Variants in ANK2 observed in about 807,000 individuals in gnomAD.
ANK2 encodes the protein ankyrin 2, also known as ankyrin-2.
ANK2 carries 83 observed loss-of-function variants against 360.5 expected under a neutral mutation model. The ratio of observed to expected loss-of-function variants is 0.23; its 90% CI spans 0.19 to 0.28. The LOEUF is 0.28. Among genes scored for constraint, ANK2 ranks in the 10% least tolerant of loss-of-function variants. The pLI, the probability that ANK2 is intolerant of heterozygous loss-of-function variation, is 1.00. For synonymous variants in ANK2, 1,740 were observed against 1,759.5 expected (o/e 0.99, Z 0.28); for missense variants, 4,201 against 4,795.7 (o/e 0.88, Z 3.66).
intron 1 of ANK2, among the ~76,000 whole-genome samples, chr4:113,100,416 A>C (rs1250603598): frequency 6.6e-6 from 1 of 152,126 alleles, no homozygotes. Flanking sequence ...AAATTAAAAC[A>C]AGATGTTGTT....
chr4:113,207,776 T>G (rs2098971348), intron 4 of ANK2, among the ~76,000 whole-genome samples: 1 of 150,968 alleles, frequency 6.6e-6, no homozygotes, highest in African/African-American at 2.4e-5. Flanking sequence ...ATTCACGCAC[T>G]CACTCACTCA....
At chr4:112,776,738 A>G in the ANK2 span, among the ~76,000 whole-genome samples, 1 of 152,238 alleles carries the variant, frequency 6.6e-6, no homozygotes, top group African/African-American at 2.4e-5. Context: ...TATGTACATT[A>G]TGCACATGTA....
intron 1 of ANK2, among the ~76,000 whole-genome samples, chr4:113,167,535 G>A (rs2097789683): frequency 6.6e-6 from 1 of 152,046 alleles, no homozygotes; most frequent in African/African-American, 2.4e-5. Context: ...CTGATCTCAA[G>A]CAATCCACCC....
At chr4:113,275,727 A>C (rs116536449) in intron 15 of ANK2, among the ~76,000 whole-genome samples, 1 of 152,214 alleles carries the variant, frequency 6.6e-6, no homozygotes, top group African/African-American at 2.4e-5. Flanking sequence ...AAAAAAAAAA[A>C]AAACTAAGCA....
chr4:113,149,594 G>C (rs1026909032), intron 1 of ANK2, among the ~76,000 whole-genome samples: 1 of 151,894 alleles, frequency 6.6e-6, no homozygotes, highest in African/African-American at 2.4e-5. Context: ...AAAGATAAAG[G>C]CCTGGCATGG....
intron 4 of ANK2, among the ~76,000 whole-genome samples, chr4:113,225,802 A>G (rs1176308407): frequency 6.6e-6 from 1 of 152,200 alleles, no homozygotes. Context: ...CAATTTGTCA[A>G]GATAATCCAA....
chr4:112,739,584 A>G, the ANK2 span, among the ~76,000 whole-genome samples: 5 of 152,200 alleles, frequency 3.3e-5, no homozygotes, highest in African/African-American at 1.2e-4. Flanking sequence ...ACTACACTGC[A>G]GCCTGGGTGA....
chr4:113,277,180 T>C (rs2060534774), intron 15 of ANK2, among the ~76,000 whole-genome samples: 1 of 152,248 alleles, frequency 6.6e-6, no homozygotes, highest in Admixed American at 6.5e-5. Context: ...AAGTCTGGTG[T>C]TAATCAGCCC....
chr4:112,727,307 G>T, the ANK2 span, among the ~76,000 whole-genome samples: 1 of 151,924 alleles, frequency 6.6e-6, no homozygotes, highest in Non-Finnish European at 1.5e-5. Flanking sequence ...TAATATCACA[G>T]ATTATGGTTG....
At chr4:113,335,771 C>T (rs760863614) in intron 29 of ANK2, 75 bp from the exon 30 acceptor site, 53 of 1,438,182 alleles carry the variant, frequency 3.7e-5, no homozygotes, top group East Asian at 9.1e-5. Context: ...ATTAACCGAG[C>T]GAATGAGTTG....
chr4:112,957,017 T>G (rs1228132279), intron 2 of ANK2, among the ~76,000 whole-genome samples: 5 of 147,166 alleles, frequency 3.4e-5, no homozygotes, highest in African/African-American at 5.0e-5. Context: ...GTTTTTTTTT[T>G]TTTTTTTTTT....
intron 34 of ANK2, among the ~76,000 whole-genome samples, 163 bp from the exon 35 acceptor site, chr4:113,345,737 A>T (rs560379656): frequency 7.8e-4 from 119 of 152,336 alleles, no homozygotes; most frequent in Non-Finnish European, 1.2e-3. Flanking sequence ...AATGATTTTT[A>T]AAAAGGCTTT....
chr4:112,918,862 T>C (rs1161874820), intron 2 of ANK2, among the ~76,000 whole-genome samples: 1 of 152,224 alleles, frequency 6.6e-6, no homozygotes, highest in Non-Finnish European at 1.5e-5. Context: ...TTTATTTGGC[T>C]ACTTCTTGAA....
At chr4:113,137,598 A>G (rs1170982606) in intron 1 of ANK2, among the ~76,000 whole-genome samples, 1 of 152,200 alleles carries the variant, frequency 6.6e-6, no homozygotes, top group Non-Finnish European at 1.5e-5. Flanking sequence ...TTTTAGAGAT[A>G]TATCTGCATT....
upstream of ANK2, among the ~76,000 whole-genome samples, chr4:113,045,041 ATGTT>A (rs2063918500): frequency 6.6e-6 from 1 of 152,192 alleles, no homozygotes; most frequent in Non-Finnish European, 1.5e-5. Context: ...CTGTGAAAAA[ATGTT>A]TGTAACAACA....
rs1400628858 is a variant in ANK2, at chr4:113,359,011, G to A, written c.10393G>A (p.Glu3465Lys). 3 of 1,614,102 alleles carry A rather than the reference G, an allele frequency of 1.9e-6. No individual in the cohort carries two copies. Among genetic ancestry groups the A allele is most frequent in the Admixed American group, 1.7e-5 (1 of 60,000 alleles). Residue 3465 changes from glutamate to lysine, a missense_variant, in exon 38 of 46, where the codon GAG (glutamate) becomes AAG (lysine). By Grantham distance (56) the Glu-to-Lys change is moderately conservative. This residue lies in a region of ANK2 where 2,642 missense variants were observed against 2,714.5 expected (regional missense o/e 0.97). Transcript: ENST00000357077. Reference protein sequence around the residue: ...GGTSPTKESKEHFFDLYRNSI... With the variant: ...GGTSPTKESKKHFFDLYRNSI... ...CACGAGCCCCACAAAAGAAAGTAAGGAGCATTTCTTTGACCTTTACAGAAA... is the reference window on the plus strand; with the variant it reads ...CACGAGCCCCACAAAAGAAAGTAAGAAGCATTTCTTTGACCTTTACAGAAA...
intron 2 of ANK2, among the ~76,000 whole-genome samples, chr4:112,949,267 T>C (rs938537869): frequency 1.3e-5 from 2 of 152,202 alleles, no homozygotes; most frequent in East Asian, 3.9e-4. Context: ...TCCCTTCTTT[T>C]CCTGCATGGC....
At chr4:112,822,140 C>T (rs1026137159) in intron 1 of ANK2, among the ~76,000 whole-genome samples, 4 of 150,534 alleles carry the variant, frequency 2.7e-5, no homozygotes, top group Non-Finnish European at 5.9e-5. Flanking sequence ...CGGTGGCTTA[C>T]GTCTGTAATC....
intron 1 of ANK2, among the ~76,000 whole-genome samples, chr4:113,062,111 C>T (rs1392881015): frequency 6.6e-6 from 1 of 152,030 alleles, no homozygotes; most frequent in Non-Finnish European, 1.5e-5. Flanking sequence ...ATGCCCTGTA[C>T]AGGGTTTGGA....
Sources: allele counts gnomAD v4.1 joint callset (sites outside exome capture counted in the v4.1 genomes callset), GRCh38; gene constraint gnomAD v4.1.1; regional missense constraint gnomAD v4.1.1; transcripts MANE v1.5; gene names NCBI Gene and HGNC (gene_info 2026-07-23, HGNC 2026-07-21).